Variants in UNC13C observed in about 807,000 individuals in gnomAD.
The protein encoded by UNC13C is protein unc-13 homolog C.
A neutral mutation model predicts 245.4 loss-of-function variants in UNC13C; 174 were observed. That is an observed-to-expected ratio of 0.71 (90% CI 0.63 to 0.80). UNC13C has a LOEUF of 0.80. Among genes scored for constraint, UNC13C ranks in the 30% least tolerant of loss-of-function variants. The probability of loss-of-function intolerance (pLI) is 0.00; values close to 1 mark genes in which losing one functional copy is unlikely to be tolerated. For synonymous variants in UNC13C, 992 were observed against 895.1 expected, an observed-to-expected ratio of 1.11 and a Z score of -1.93; for missense variants, 2,829 against 2,602.9, an observed-to-expected ratio of 1.09 and a Z score of -1.89.
Position 54,453,745 on chromosome 15 carries a change from T to G in UNC13C, c.4933+38678T>G, listed in dbSNP as rs552295371. ...TGCCACCAGCTATAAATAGATATTC[T>G]CAGTTAAGCACACTTTTGACAAAAT... On this transcript the variant is annotated intron_variant, in intron 19 of 32. Transcript: ENST00000260323. Among the ~76,000 whole-genome samples the G allele has an allele frequency of 2.6e-4, 40 of 152,378 alleles. No homozygotes were observed. The East Asian group carries it at 7.5e-3, about 29-fold the overall frequency.
intron 19 of UNC13C, among the ~76,000 whole-genome samples, chr15:54,478,594 G>A (rs1399279202): frequency 7.7e-6 from 1 of 129,252 alleles, no homozygotes; most frequent in Non-Finnish European, 1.7e-5. Flanking sequence ...GGAGCAGGTT[G>A]TTCAGTTTCC....
chr15:54,050,789 G>A, intron 2 of UNC13C: 1 of 593,260 alleles, frequency 1.7e-6, no homozygotes, highest in Non-Finnish European at 3.3e-6. Context: ...ATCACTATAT[G>A]AATACAGCCC....
the UNC13C span, among the ~76,000 whole-genome samples, chr15:53,926,613 T>C: frequency 1.3e-5 from 2 of 152,134 alleles, no homozygotes; most frequent in Non-Finnish European, 2.9e-5. Flanking sequence ...AAAGCATGCC[T>C]AATAGGGGAA....
intron 2 of UNC13C, among the ~76,000 whole-genome samples, chr15:54,032,461 G>A (rs1896398283): frequency 1.3e-5 from 2 of 152,142 alleles, no homozygotes; most frequent in Non-Finnish European, 2.9e-5. Flanking sequence ...TGAAATTCAG[G>A]TAACTAGTAG....
At chr15:54,258,616 G>T (rs2036342504) in intron 8 of UNC13C, among the ~76,000 whole-genome samples, 1 of 152,084 alleles carries the variant, frequency 6.6e-6, no homozygotes, top group South Asian at 2.1e-4. Flanking sequence ...TGATCTGCCT[G>T]CCTCGGCCTC....
intron 28 of UNC13C, among the ~76,000 whole-genome samples, chr15:54,552,787 TATATA>T (rs1896871162): frequency 1.0e-5 from 1 of 96,816 alleles, no homozygotes; most frequent in South Asian, 3.3e-4. Context: ...TATAATATAA[TATATA>T]ATATATTATA....
At chr15:54,361,923 A>G (rs2039241141) in intron 17 of UNC13C, among the ~76,000 whole-genome samples, 1 of 152,234 alleles carries the variant, frequency 6.6e-6, no homozygotes, top group African/African-American at 2.4e-5. Context: ...TTCTAGTCTG[A>G]TGAAGACTTA....
rs1239231661 is a variant in UNC13C at position 54,506,093 on chromosome 15, A to C, written c.5302-1024A>C. Among the ~76,000 whole-genome samples the C allele has an allele frequency of 2.0e-5, 3 of 152,216 alleles. No homozygotes were observed. In the East Asian group the frequency reaches 5.8e-4, roughly 29 times the overall value. On this transcript the variant is annotated intron_variant, in intron 22 of 32. Transcript: ENST00000260323. ...GGCAGCTGTAGGATGTAGGGGAAGC[A>C]GAATCATAAGAATTAAAAAATCTCA... is the stretch of plus-strand genomic sequence containing the variant.
chr15:54,432,108 A>G (rs188930107), intron 19 of UNC13C, among the ~76,000 whole-genome samples: 2 of 151,760 alleles, frequency 1.3e-5, no homozygotes, highest in Admixed American at 1.3e-4. Flanking sequence ...TTGACCATTT[A>G]ATAAGCTAAT....
chr15:54,039,299 A>G (rs1389982841), intron 2 of UNC13C, among the ~76,000 whole-genome samples: 2 of 152,236 alleles, frequency 1.3e-5, no homozygotes, highest in African/African-American at 2.4e-5. Flanking sequence ...CTTATGTAAT[A>G]CTTTTGAAAC....
intron 2 of UNC13C, among the ~76,000 whole-genome samples, chr15:54,100,781 C>T (rs1350302072): frequency 6.6e-6 from 1 of 151,546 alleles, no homozygotes; most frequent in Non-Finnish European, 1.5e-5. Context: ...TCCATCACTG[C>T]CACCTAATCC....
chr15:53,999,462 C>G (rs1346558015), intron 1 of UNC13C, among the ~76,000 whole-genome samples: 2 of 151,768 alleles, frequency 1.3e-5, no homozygotes, highest in African/African-American at 4.8e-5. Flanking sequence ...ATGATTTGTA[C>G]TTATATTCTG....
chr15:54,016,564 TA>T (rs1422451223), intron 2 of UNC13C, among the ~76,000 whole-genome samples: 1 of 152,218 alleles, frequency 6.6e-6, no homozygotes, highest in Non-Finnish European at 1.5e-5. Context: ...TTCTTAAGAA[TA>T]AAGTCCCTTC....
At chr15:54,271,549 G>A (rs974426290) in intron 10 of UNC13C, among the ~76,000 whole-genome samples, 2 of 152,126 alleles carry the variant, frequency 1.3e-5, no homozygotes, top group African/African-American at 2.4e-5. Flanking sequence ...GTTAGGAGAT[G>A]ACATTTTCTT....
chr15:53,874,405 T>C, the UNC13C span, among the ~76,000 whole-genome samples: 1 of 152,238 alleles, frequency 6.6e-6, no homozygotes, highest in African/African-American at 2.4e-5. Flanking sequence ...ATGTGGAAAG[T>C]GGCAGTACCA....
intron 2 of UNC13C, among the ~76,000 whole-genome samples, chr15:54,096,824 AT>A (rs1449127442): frequency 6.6e-6 from 1 of 152,134 alleles, no homozygotes; most frequent in African/African-American, 2.4e-5. Flanking sequence ...AAATTTGCCT[AT>A]TTCTCTCTCT....
At chr15:54,352,693 G>A (rs914520598) in intron 17 of UNC13C, among the ~76,000 whole-genome samples, 1 of 152,056 alleles carries the variant, frequency 6.6e-6, no homozygotes, top group African/African-American at 2.4e-5. Context: ...AGCAAAGACA[G>A]ACTAGATTGT....
chr15:54,256,949 T>G (rs2140877589), intron 8 of UNC13C, among the ~76,000 whole-genome samples: 1 of 152,276 alleles, frequency 6.6e-6, no homozygotes, highest in African/African-American at 2.4e-5. Flanking sequence ...CACGTCTAAG[T>G]TTGGCGCTCT....
chr15:54,558,596 A>C (rs1897179342), intron 29 of UNC13C, among the ~76,000 whole-genome samples: 1 of 152,022 alleles, frequency 6.6e-6, no homozygotes, highest in Non-Finnish European at 1.5e-5. Flanking sequence ...AACTTTTCTA[A>C]ATATTAAAAC....
Sources: gnomAD v4.1 joint callset for allele counts (sites outside exome capture counted in the v4.1 genomes callset) on GRCh38, gnomAD v4.1.1 for gene constraint, MANE v1.5 for transcripts, NCBI Gene and HGNC (gene_info 2026-07-23, HGNC 2026-07-21) for gene names.